The following SLC16A12 variants were observed in gnomAD, a reference collection of about 807,000 sequenced individuals.
SLC16A12 encodes the protein solute carrier family 16 member 12, also known as monocarboxylate transporter 12.
SLC16A12 carries 17 observed loss-of-function variants against 42.4 expected under a neutral mutation model. The ratio of observed to expected loss-of-function variants is 0.40; its 90% CI spans 0.27 to 0.60. The LOEUF (loss-of-function observed/expected upper bound fraction) is 0.60, where lower values mean the gene tolerates loss of function less well. Ranked by LOEUF, SLC16A12 falls within the 20% of genes least tolerant of loss-of-function variation. The pLI is 0.42. For synonymous variants in SLC16A12, 224 were observed against 229.4 expected, an observed-to-expected ratio of 0.98 and a Z score of 0.21; for missense variants, 544 against 623.0, an observed-to-expected ratio of 0.87 and a Z score of 1.35.
At chr10:89,536,378 T>G (rs947791715), upstream of SLC16A12, among the ~76,000 whole-genome samples, 7 of 152,046 alleles carry the variant, frequency 4.6e-5, no homozygotes, top group African/African-American at 1.4e-4. Flanking sequence ...CATCTGAAAA[T>G]CTCATAACCT....
chr10:89,477,628 A>C (rs1842601656), intron 2 of SLC16A12, among the ~76,000 whole-genome samples: 1 of 151,930 alleles, frequency 6.6e-6, no homozygotes, highest in Non-Finnish European at 1.5e-5. Context: ...TATATTCTTA[A>C]TATAAGCCAT....
Position 89,462,551 on chromosome 10 carries a change from T to C in SLC16A12, c.28A>G (p.Asn10Asp). 4 of 1,611,558 alleles carry C rather than the reference T, an allele frequency of 2.5e-6. No homozygotes were observed. Among genetic ancestry groups the C allele is most frequent in the Non-Finnish European group, 3.4e-6 (4 of 1,179,600 alleles). Residue 10 changes from asparagine to aspartate, a missense_variant, in exon 3 of 8, where the codon AAC becomes GAC. By Grantham distance (23) the Asn-to-Asp change is conservative. Coordinates refer to ENST00000371790, the MANE Select transcript of SLC16A12 (RefSeq NM_213606.4). ...AGCCAAGTTATGATCTTGGAAGAGT[T>C]TGCTGTCCAGTGACTTCCTGATGGC... The part of the protein sequence containing the change: MPSGSHWTA[N>D]SSKIITWLLE...
At position 89,435,838 on chromosome 10, in the gene SLC16A12, C is replaced by T. The variant is rs150872663; in HGVS notation, c.1288+222G>A. Among the ~76,000 whole-genome samples, 238 of 152,272 alleles carry T rather than the reference C, an allele frequency of 1.6e-3. 1 individual carries two copies. Among genetic ancestry groups the T allele is most frequent in the African/African-American group, 5.6e-3 (231 of 41,558 alleles). On this transcript the variant is annotated intron_variant, in intron 7 of 7. Coordinates refer to ENST00000371790, the MANE Select transcript of SLC16A12 (RefSeq NM_213606.4). ...AATCAAGACCCTAATTTGGGACTTA[C>T]TCTTTCCAGGTAGGCTAAGGTTCTT...
At chr10:89,443,127 C>T (rs769799562) in intron 4 of SLC16A12, among the ~76,000 whole-genome samples, 9 of 152,178 alleles carry the variant, frequency 5.9e-5, no homozygotes, top group Non-Finnish European at 1.3e-4. Flanking sequence ...CCTTATATAA[C>T]ACTTTCGGAG....
intron 2 of SLC16A12, among the ~76,000 whole-genome samples, chr10:89,543,314 T>A (rs2133885680): frequency 6.6e-6 from 1 of 152,350 alleles, no homozygotes; most frequent in South Asian, 2.1e-4. Flanking sequence ...TCCCAGTTTA[T>A]TCACAAAGCC....
At chr10:89,516,863 T>A (rs1233560190) in intron 2 of SLC16A12, among the ~76,000 whole-genome samples, 2 of 152,248 alleles carry the variant, frequency 1.3e-5, no homozygotes, top group Non-Finnish European at 2.9e-5. Context: ...AATTGATTCT[T>A]GCTAAGGCCT....
rs12263957 is a variant in SLC16A12, at chr10:89,548,025, G to A, written c.-47+7857C>T. 4.7e-5 allele frequency among the ~76,000 whole-genome samples: 7 copies of A among 149,774 alleles called. No individual in the cohort carries two copies. The South Asian group carries it at 6.3e-4, about 13-fold the overall frequency. On this transcript the variant is annotated intron_variant, in intron 2 of 2. Transcript: ENST00000475682. ...GAGAGAGAAGCTGGCAAGGTGGAGC[G>A]TGACATTATAGGTAGGGCTGGAACA...
rs148013353 is a variant in SLC16A12 at position 89,438,662 on chromosome 10, T to G, written c.970A>C (p.Ile324Leu). Residue 324 changes from isoleucine to leucine, a missense_variant, in exon 6 of 8, where the codon ATA (isoleucine) becomes CTA (leucine). By Grantham distance (5) the Ile-to-Leu change is conservative. Coordinates refer to ENST00000371790, the MANE Select transcript of SLC16A12 (RefSeq NM_213606.4). ...CCAATAATGTCAATCACTCCAAGTA[T>G]GGACATAAGAAAAGCAGCTTGCTGA... Reference protein sequence around the residue: ...SHQQAAFLMSILGVIDIIGNI... With the variant: ...SHQQAAFLMSLLGVIDIIGNI... The G allele has an allele frequency of 1.1e-5, 18 of 1,613,882 alleles. No homozygotes were observed. The highest frequency in any genetic ancestry group is 1.4e-5 in the Non-Finnish European group (16 of 1,179,958).
intron 2 of SLC16A12, among the ~76,000 whole-genome samples, chr10:89,509,981 T>C (rs1426226954): frequency 6.6e-6 from 1 of 152,178 alleles, no homozygotes; most frequent in African/African-American, 2.4e-5. Context: ...TGAACTCCCA[T>C]TCACAATTGC....
chr10:89,448,645 A>G (rs1280355469), intron 3 of SLC16A12, among the ~76,000 whole-genome samples: 1 of 152,232 alleles, frequency 6.6e-6, no homozygotes, highest in African/African-American at 2.4e-5. Context: ...CCCACAGCCA[A>G]TATCATTCTG....
intron 2 of SLC16A12, among the ~76,000 whole-genome samples, chr10:89,503,996 C>CT (rs2133826195): frequency 6.6e-6 from 1 of 152,330 alleles, no homozygotes; most frequent in African/African-American, 2.4e-5. Context: ...ACAGCAATGT[C>CT]TTGTTCAGTT....
chr10:89,435,942 C>G, intron 7 of SLC16A12, 118 bp downstream of exon 7: 8 of 1,449,040 alleles, frequency 5.5e-6, no homozygotes, highest in Non-Finnish European at 7.6e-6. Flanking sequence ...TCCCTTTTCT[C>G]TTTCACTCTT....
At chr10:89,449,093 C>T (rs1358135970) in intron 3 of SLC16A12, among the ~76,000 whole-genome samples, 2 of 152,064 alleles carry the variant, frequency 1.3e-5, no homozygotes, top group African/African-American at 2.4e-5. Flanking sequence ...AACCACTGCT[C>T]AACGAAATAA....
chr10:89,541,147 C>T (rs1441592664), intron 2 of SLC16A12, among the ~76,000 whole-genome samples: 1 of 151,396 alleles, frequency 6.6e-6, no homozygotes, highest in Non-Finnish European at 1.5e-5. Flanking sequence ...AGGATGGTCT[C>T]GATCTCCTGA....
At chr10:89,447,818 G>A (rs541700276) in intron 3 of SLC16A12, among the ~76,000 whole-genome samples, 2 of 152,154 alleles carry the variant, frequency 1.3e-5, no homozygotes, top group African/African-American at 4.8e-5. Flanking sequence ...ATGAATTCAG[G>A]AGCTGGTTTT....
intron 3 of SLC16A12, among the ~76,000 whole-genome samples, chr10:89,444,898 T>C (rs1326749513): frequency 6.6e-6 from 1 of 152,232 alleles, no homozygotes; most frequent in African/African-American, 2.4e-5. Context: ...GCCACCTAAA[T>C]ACTATGCTTT....
intron 3 of SLC16A12, among the ~76,000 whole-genome samples, chr10:89,447,374 A>G (rs1461161746): frequency 6.6e-6 from 1 of 152,220 alleles, no homozygotes. Flanking sequence ...ACTCCTTAGC[A>G]AATGTAAAAG....
chr10:89,478,260 A>G (rs1018514088), intron 2 of SLC16A12, among the ~76,000 whole-genome samples: 9 of 152,158 alleles, frequency 5.9e-5, no homozygotes, highest in African/African-American at 2.2e-4. Context: ...CAGTGAAAGA[A>G]CCAAGGAGGT....
At chr10:89,460,585 G>A (rs532792259) in intron 3 of SLC16A12, among the ~76,000 whole-genome samples, 8 of 151,696 alleles carry the variant, frequency 5.3e-5, no homozygotes, top group African/African-American at 7.3e-5. Flanking sequence ...TTAGCCAGGC[G>A]TAATTTTTGT....
Sources: allele counts gnomAD v4.1 joint callset (sites outside exome capture counted in the v4.1 genomes callset), GRCh38; gene constraint gnomAD v4.1.1; transcripts MANE v1.5; gene names NCBI Gene and HGNC (gene_info 2026-07-23, HGNC 2026-07-21).